Variants in XIST observed in about 807,000 individuals in gnomAD.
XIST encodes the protein X inactive specific transcript (non-protein coding).
At chrX:73,842,335 A>C (rs779016746) in exon 1 of XIST, 1 of 554,576 alleles carries the variant, frequency 1.8e-6, no homozygotes, top group East Asian at 3.3e-5. Context: ...TGGGGAGACA[A>C]TTTTATAGTG....
At chrX:73,847,844 T>C (rs766464295) in exon 1 of XIST, 12 of 557,292 alleles carry the variant, frequency 2.2e-5, no homozygotes, top group African/African-American at 4.5e-5. Context: ...ACCATGAACA[T>C]TGGAATTTTG....
rs760397228 is a variant in XIST, at chrX:73,848,217, C to T, written n.4507G>A. ...TGCGCATTAACAGTCCCAAGTACCC[C>T]CTGCTGTAAGACAAAAGGAATATGA... On this transcript the variant is annotated non_coding_transcript_exon_variant, in exon 1 of 6. Coordinates refer to ENST00000429829, the Ensembl canonical transcript of XIST. 2.3e-5 allele frequency: 13 copies of T among 556,609 alleles called. No individual in the cohort carries two copies. In the South Asian group the frequency reaches 2.9e-4, roughly 13 times the overall value. The allele number at this position is 556,609 out of a possible 1,213,427, so 45.9% of individuals were successfully genotyped here. A position where few individuals can be genotyped will look rare whatever the true frequency, so the allele number is the denominator to read the frequency against.
chrX:73,843,310 T>C (rs754707648), exon 1 of XIST: 2 of 558,882 alleles, frequency 3.6e-6, no homozygotes, highest in East Asian at 6.5e-5. Flanking sequence ...GTACCCCCGA[T>C]GTAAGCAACG....
chrX:73,822,978 C>T (rs770919490), exon 6 of XIST: 12 of 556,950 alleles, frequency 2.2e-5, no homozygotes, highest in South Asian at 6.7e-5. Flanking sequence ...CTTTGGTTTA[C>T]GTCTTTCAAG....
chrX:73,842,376 A>G (rs758793793), exon 1 of XIST: 4 of 549,307 alleles, frequency 7.3e-6, no homozygotes, highest in East Asian at 6.6e-5. Context: ...AAGGATGGCA[A>G]TCCAGCTCCC....
chrX:73,845,287 A>T (rs1349234429), exon 1 of XIST: 1 of 545,712 alleles, frequency 1.8e-6, no homozygotes, highest in East Asian at 3.3e-5. Context: ...ATATAATCAC[A>T]CACATAACAG....
exon 1 of XIST, chrX:73,843,913 A>C (rs774282468): frequency 7.2e-6 from 4 of 556,222 alleles, no homozygotes; most frequent in Non-Finnish European, 1.3e-5. Context: ...CTACTGACAA[A>C]GACAAAAGAA....
At chrX:73,836,968 T>C (rs907389822) in intron 2 of XIST, among the ~76,000 whole-genome samples, 85 of 111,686 alleles carry the variant, frequency 7.6e-4, no homozygotes, top group African/African-American at 2.7e-3. Flanking sequence ...CCTGAGATCA[T>C]ACTGATATAA....
chrX:73,825,837 T>C (rs1364520244), exon 6 of XIST: 1 of 553,789 alleles, frequency 1.8e-6, no homozygotes. Context: ...AGTGCTTTCA[T>C]ACACATTATC....
chrX:73,841,180 A>T, intron 1 of XIST: 1 of 318,751 alleles, frequency 3.1e-6, no homozygotes, highest in South Asian at 1.4e-4. Context: ...TATTAATTCT[A>T]CAGTTCTGCT....
exon 1 of XIST, chrX:73,847,366 A>T: frequency 1.9e-6 from 1 of 516,734 alleles, no homozygotes; most frequent in Non-Finnish European, 3.5e-6. Context: ...TTTGCCAAGG[A>T]GGTGTGAGGG....
exon 1 of XIST, chrX:73,847,304 G>A (rs1046132812): frequency 2.0e-5 from 11 of 541,503 alleles, no homozygotes; most frequent in Non-Finnish European, 3.3e-5. Context: ...CTAATTATGC[G>A]CATTTAAGCA....
chrX:73,847,106 G>A (rs761534851), exon 1 of XIST: 2 of 559,156 alleles, frequency 3.6e-6, no homozygotes, highest in Middle Eastern at 3.1e-4. Context: ...TAAGTAGTAG[G>A]TACTTCCAGC....
chrX:73,844,411 GA>G (rs753443039), exon 1 of XIST: 5 of 556,589 alleles, frequency 9.0e-6, no homozygotes, highest in Non-Finnish European at 1.6e-5. Context: ...TAGTACACAA[GA>G]ATATAGACAA....
exon 6 of XIST, chrX:73,825,676 A>G: frequency 1.9e-6 from 1 of 514,126 alleles, no homozygotes. Context: ...CAGAAACCAT[A>G]TGGCCCACAG....
exon 6 of XIST, chrX:73,823,725 A>G (rs771206510): frequency 1.6e-5 from 9 of 558,882 alleles, no homozygotes; most frequent in South Asian, 1.6e-4. Context: ...TCTTCTGGAC[A>G]GGACTTTATC....
At chrX:73,848,466 G>A (rs780559406) in exon 1 of XIST, 4 of 558,247 alleles carry the variant, frequency 7.2e-6, no homozygotes, top group South Asian at 2.2e-5. Context: ...GAATACAAAG[G>A]GAGTGGAAGG....
At chrX:73,824,030 ATGTT>A in exon 6 of XIST, 1 of 555,298 alleles carries the variant, frequency 1.8e-6, no homozygotes, top group Non-Finnish European at 3.3e-6. Context: ...ATGATAATAA[ATGTT>A]TGTGCCCCCA....
intron 2 of XIST, among the ~76,000 whole-genome samples, chrX:73,836,014 C>T (rs1426311372): frequency 9.0e-6 from 1 of 111,308 alleles, no homozygotes; most frequent in East Asian, 2.8e-4. Flanking sequence ...AAGACATCTA[C>T]TCCTTGGGTC....
Sources: allele counts gnomAD v4.1 joint callset (sites outside exome capture counted in the v4.1 genomes callset), GRCh38; gene constraint gnomAD v4.1.1; transcripts MANE v1.5; gene names NCBI Gene and HGNC (gene_info 2026-07-23, HGNC 2026-07-21).